RGS6: variants seen among roughly 807,000 people sequenced by gnomAD.
RGS6 encodes the protein regulator of G protein signaling 6.
Under a neutral mutation model 78.5 loss-of-function variants are expected in RGS6, and 30 were observed. The ratio of observed to expected loss-of-function variants is 0.38; its 90% confidence interval spans 0.29 to 0.52. RGS6 has a LOEUF of 0.52. RGS6 is among the 20% of genes least tolerant of loss of function. The probability of loss-of-function intolerance (pLI) is 0.85; values close to 1 mark genes in which losing one functional copy is unlikely to be tolerated. For synonymous variants in RGS6, 206 were observed against 206.0 expected, an observed-to-expected ratio of 1.00 and a Z score of 0.00; for missense variants, 495 against 609.7, an observed-to-expected ratio of 0.81 and a Z score of 1.98.
intron 15 of RGS6, among the ~76,000 whole-genome samples, chr14:72,534,493 C>T (rs1268246285): frequency 6.6e-6 from 1 of 152,194 alleles, no homozygotes; most frequent in African/African-American, 2.4e-5. Context: ...CTAATGTTCT[C>T]CAGGTTTGTT....
In RGS6 at chr14:72,458,299, C is replaced by T. The variant is rs151307395; in HGVS notation, c.264C>T (p.Ile88=). 1.1e-5 allele frequency: 18 copies of T among 1,613,924 alleles called. No homozygotes were observed. Among genetic ancestry groups the T allele is most frequent in the Middle Eastern group, 1.6e-4 (1 of 6,062 alleles). The change falls in exon 5 of 18, where the codon ATC becomes ATT. Residue 88 remains isoleucine (I), a synonymous_variant. Coordinates refer to ENST00000553525, the MANE Select transcript of RGS6 (RefSeq NM_001204424.2). ...PVEAIHLGSL[I]AAQGYIFPIS... ...AAGCAATACACTTGGGGAGCCTTAT[C>T]GCTGCCCAGGGCTACATCTTTCCAA...
chr14:72,447,247 T>C (rs1301331069), intron 3 of RGS6, among the ~76,000 whole-genome samples: 6 of 152,104 alleles, frequency 3.9e-5, no homozygotes, highest in Non-Finnish European at 5.9e-5. Flanking sequence ...TCAACTGAAT[T>C]ACAGTGGGGT....
chr14:72,384,254 T>C (rs201018225), intron 3 of RGS6, among the ~76,000 whole-genome samples: 3 of 152,226 alleles, frequency 2.0e-5, no homozygotes, highest in East Asian at 3.8e-4. Flanking sequence ...TGTGGCCACT[T>C]GGAGTTTATA....
intron 2 of RGS6, among the ~76,000 whole-genome samples, chr14:72,334,276 G>A (rs915850812): frequency 2.0e-5 from 3 of 152,234 alleles, no homozygotes; most frequent in Non-Finnish European, 2.9e-5. Context: ...TATCTGGAGG[G>A]CAACTGGCCC....
At chr14:71,901,398 G>A in the RGS6 span, among the ~76,000 whole-genome samples, 4 of 152,098 alleles carry the variant, frequency 2.6e-5, no homozygotes, top group Admixed American at 6.5e-5. Context: ...TACAATGCTG[G>A]TACATGGCAG....
At chr14:72,504,059 T>C (rs1440955394) in intron 13 of RGS6, among the ~76,000 whole-genome samples, 3 of 152,212 alleles carry the variant, frequency 2.0e-5, no homozygotes, top group African/African-American at 2.4e-5. Flanking sequence ...ACTGTTCTGC[T>C]CTCCTACTAC....
chr14:72,506,575 G>A (rs917980435), intron 13 of RGS6, among the ~76,000 whole-genome samples: 2 of 152,188 alleles, frequency 1.3e-5, no homozygotes, highest in African/African-American at 2.4e-5. Flanking sequence ...ATGTATCTAG[G>A]AAGCTTTTAA....
chr14:72,423,561 A>G (rs183768418), intron 3 of RGS6, among the ~76,000 whole-genome samples: 1 of 152,220 alleles, frequency 6.6e-6, no homozygotes, highest in Non-Finnish European at 1.5e-5. Context: ...TAAGCAAATT[A>G]AAGCAGAGGC....
At chr14:72,046,794 G>A (rs192080300) in intron 2 of RGS6, among the ~76,000 whole-genome samples, 1 of 152,250 alleles carries the variant, frequency 6.6e-6, no homozygotes, top group East Asian at 1.9e-4. Flanking sequence ...AGGATTCTAG[G>A]GCAAATGTCA....
intron 2 of RGS6, among the ~76,000 whole-genome samples, chr14:72,124,188 G>T (rs191829237): frequency 6.6e-6 from 1 of 152,252 alleles, no homozygotes; most frequent in African/African-American, 2.4e-5. Flanking sequence ...TGCTGATACA[G>T]TCTCCTTTGC....
intron 3 of RGS6, among the ~76,000 whole-genome samples, chr14:72,389,636 C>G (rs150707647): frequency 2.6e-4 from 40 of 152,270 alleles, no homozygotes; most frequent in Non-Finnish European, 4.6e-4. Flanking sequence ...GGAAACTAAT[C>G]GTCATGAGTG....
At chr14:72,383,349 G>A (rs1248636546) in intron 3 of RGS6, among the ~76,000 whole-genome samples, 1 of 151,732 alleles carries the variant, frequency 6.6e-6, no homozygotes, top group African/African-American at 2.4e-5. Flanking sequence ...TGACTTTACT[G>A]TGCTTTTTTG....
At chr14:71,977,937 C>A (rs1019046525) in intron 2 of RGS6, among the ~76,000 whole-genome samples, 21 of 150,208 alleles carry the variant, frequency 1.4e-4, no homozygotes, top group Non-Finnish European at 2.2e-4. Flanking sequence ...CTTTTATTTC[C>A]TTGAGCAGTG....
chr14:72,597,260 T>G, the RGS6 span, among the ~76,000 whole-genome samples: 1 of 138,598 alleles, frequency 7.2e-6, no homozygotes, highest in Non-Finnish European at 1.6e-5. Context: ...AAGAGAGAGA[T>G]AGTTGTGAGG....
At chr14:72,069,728 C>T (rs1486893702) in intron 2 of RGS6, among the ~76,000 whole-genome samples, 5 of 151,268 alleles carry the variant, frequency 3.3e-5, no homozygotes, top group East Asian at 3.9e-4. Context: ...TTAGTAGAGA[C>T]GGGGTTTCAC....
chr14:72,126,222 C>T (rs552870962), intron 2 of RGS6, among the ~76,000 whole-genome samples: 26 of 152,330 alleles, frequency 1.7e-4, no homozygotes, highest in African/African-American at 5.8e-4. Context: ...AACTTGTTTG[C>T]TGTTAGTAGA....
intron 2 of RGS6, among the ~76,000 whole-genome samples, chr14:72,315,930 G>A (rs1225092799): frequency 6.6e-6 from 1 of 152,186 alleles, no homozygotes; most frequent in East Asian, 1.9e-4. Flanking sequence ...TTCTACCACA[G>A]AGGCCAGAAA....
At chr14:71,895,929 C>T in the RGS6 span, among the ~76,000 whole-genome samples, 1 of 152,120 alleles carries the variant, frequency 6.6e-6, no homozygotes, top group Non-Finnish European at 1.5e-5. Context: ...TCACTCTCCT[C>T]CTACTCTTTG....
At chr14:72,083,076 T>TG (rs773042714) in intron 2 of RGS6, among the ~76,000 whole-genome samples, 27 of 152,236 alleles carry the variant, frequency 1.8e-4, no homozygotes, top group Admixed American at 8.5e-4. Context: ...ATTTGCCTTT[T>TG]GTGTTTCTTA....
Sources: allele counts gnomAD v4.1 joint callset (sites outside exome capture counted in the v4.1 genomes callset), GRCh38; gene constraint gnomAD v4.1.1; transcripts MANE v1.5; gene names NCBI Gene and HGNC (gene_info 2026-07-23, HGNC 2026-07-21).